ZNF365: variants seen among roughly 807,000 people sequenced by gnomAD.
ZNF365 encodes the protein protein ZNF365.
Under a neutral mutation model 35.0 loss-of-function variants are expected in ZNF365, and 22 were observed. That is an observed-to-expected ratio of 0.63 (90% CI 0.45 to 0.90). The LOEUF is 0.90. ZNF365 is among the 40% of genes least tolerant of loss of function. ZNF365 has a pLI of 0.00. For synonymous variants in ZNF365, 188 were observed against 196.2 expected, an observed-to-expected ratio of 0.96 and a Z score of 0.35; for missense variants, 448 against 500.3, an observed-to-expected ratio of 0.90 and a Z score of 1.00.
chr10:62,449,131 T>A (rs1840638122), intron 3 of ZNF365, among the ~76,000 whole-genome samples: 1 of 152,244 alleles, frequency 6.6e-6, no homozygotes. Context: ...GAAGTCTTTA[T>A]TGCCCAAGAG....
intron 3 of ZNF365, among the ~76,000 whole-genome samples, chr10:62,428,081 A>G (rs1279860830): frequency 6.6e-6 from 1 of 152,174 alleles, no homozygotes; most frequent in Non-Finnish European, 1.5e-5. Flanking sequence ...TGCTTGCTAT[A>G]GTGTTGATCC....
intron 4 of ZNF365, among the ~76,000 whole-genome samples, chr10:62,474,034 T>C (rs571261724): frequency 5.6e-4 from 85 of 152,272 alleles, no homozygotes; most frequent in African/African-American, 1.9e-3. Flanking sequence ...CATATTAACA[T>C]TGAGAGAGGG....
At chr10:62,402,907 G>A (rs1839852458), downstream of ZNF365, among the ~76,000 whole-genome samples, 1 of 152,210 alleles carries the variant, frequency 6.6e-6, no homozygotes, top group Admixed American at 6.5e-5. Context: ...GTTCTTTTAA[G>A]AACCATGAAA....
chr10:62,437,890 T>C (rs935993757), intron 3 of ZNF365, among the ~76,000 whole-genome samples: 8 of 152,218 alleles, frequency 5.3e-5, no homozygotes, highest in African/African-American at 9.6e-5. Context: ...TTTCTTTTAT[T>C]GGTCGCCTGG....
At chr10:62,432,680 T>C (rs1840352115) in intron 3 of ZNF365, among the ~76,000 whole-genome samples, 1 of 152,228 alleles carries the variant, frequency 6.6e-6, no homozygotes, top group South Asian at 2.1e-4. Context: ...TTTAGCCTGA[T>C]GTTGGGTAAA....
At chr10:62,459,057 T>G (rs1313485293) in intron 3 of ZNF365, among the ~76,000 whole-genome samples, 1 of 152,218 alleles carries the variant, frequency 6.6e-6, no homozygotes, top group Non-Finnish European at 1.5e-5. Context: ...AATATTTATT[T>G]GTTACTGTTA....
At chr10:62,436,374 G>A (rs1840407603) in intron 3 of ZNF365, among the ~76,000 whole-genome samples, 1 of 148,768 alleles carries the variant, frequency 6.7e-6, no homozygotes, top group Admixed American at 6.8e-5. Context: ...GTTAAAAGAG[G>A]GTACAGGGAA....
At chr10:62,452,303 G>A (rs901197994) in intron 3 of ZNF365, among the ~76,000 whole-genome samples, 2 of 152,164 alleles carry the variant, frequency 1.3e-5, no homozygotes, top group Non-Finnish European at 2.9e-5. Flanking sequence ...TCAGAACAGA[G>A]AGGAAAGGCC....
chr10:62,465,205 T>G (rs1227073176), intron 4 of ZNF365, among the ~76,000 whole-genome samples: 1 of 152,212 alleles, frequency 6.6e-6, no homozygotes, highest in Non-Finnish European at 1.5e-5. Context: ...TGTCGCAACC[T>G]GGTCAGGTTG....
At chr10:62,466,514 G>A (rs753813435) in intron 4 of ZNF365, among the ~76,000 whole-genome samples, 1 of 152,136 alleles carries the variant, frequency 6.6e-6, no homozygotes, top group Non-Finnish European at 1.5e-5. Flanking sequence ...GGCTGTGTGG[G>A]TGAGACAAGC....
At chr10:62,454,897 G>T (rs1840738322) in intron 3 of ZNF365, among the ~76,000 whole-genome samples, 1 of 152,172 alleles carries the variant, frequency 6.6e-6, no homozygotes, top group African/African-American at 2.4e-5. Flanking sequence ...TGGAGTGGGA[G>T]CTCTGAGCTC....
intron 3 of ZNF365, among the ~76,000 whole-genome samples, chr10:62,445,364 A>G (rs1011643889): frequency 6.6e-6 from 1 of 151,576 alleles, no homozygotes; most frequent in Non-Finnish European, 1.5e-5. Context: ...GACTTCCACA[A>G]TGGTTGAACT....
In ZNF365 at chr10:62,472,984, C is replaced by T. The variant is rs551863559; in HGVS notation, c.982-6892C>T. ...CAAGCTCCCTTCCAAGAGGCAACCACTGTGACCTGTATCTTATATTCTTAG... is the reference window on the plus strand; with the variant it reads ...CAAGCTCCCTTCCAAGAGGCAACCATTGTGACCTGTATCTTATATTCTTAG... On this transcript the variant is annotated intron_variant, in intron 4 of 4. Transcript: ENST00000395255. 1.5e-3 allele frequency among the ~76,000 whole-genome samples: 234 copies of T among 152,290 alleles called. 1 individual carries two copies. The highest frequency in any genetic ancestry group is 3.0e-3 in the Non-Finnish European group (205 of 68,034).
intron 3 of ZNF365, among the ~76,000 whole-genome samples, chr10:62,433,206 T>C (rs149607561): frequency 0.011 from 1,701 of 152,262 alleles, 31 homozygotes; most frequent in African/African-American, 0.039. Flanking sequence ...ATAGAAGTAA[T>C]GAGTTACTAA....
At position 62,455,627 on chromosome 10, in the gene ZNF365, T is replaced by A. The variant is rs185280053; in HGVS notation, c.925-4114T>A. 4.6e-5 allele frequency among the ~76,000 whole-genome samples: 7 copies of A among 152,092 alleles called. No homozygotes were observed. The East Asian group carries it at 1.4e-3, about 29-fold the overall frequency. ...TTATAAATCTCATATATACATAGTT[T>A]ATTTAAACTATGTGCATATGGTAAA... On this transcript the variant is annotated intron_variant, in intron 3 of 4. Coordinates refer to the ZNF365 transcript ENST00000395255.
chr10:62,441,140 C>T (rs1376123351), intron 3 of ZNF365, among the ~76,000 whole-genome samples: 2 of 151,888 alleles, frequency 1.3e-5, no homozygotes, highest in Non-Finnish European at 2.9e-5. Context: ...TATTATTATC[C>T]CCATTTTATA....
chr10:62,479,929 C>T (rs1427698114), exon 5 of ZNF365: 6 of 1,612,374 alleles, frequency 3.7e-6, no homozygotes, highest in Non-Finnish European at 5.1e-6. Flanking sequence ...TGGATGAGGA[C>T]TTGGATCAAG....
chr10:62,374,641 G>C (rs1042964283), intron 1 of ZNF365, among the ~76,000 whole-genome samples, 183 bp downstream of exon 1: 1 of 152,170 alleles, frequency 6.6e-6, no homozygotes, highest in Non-Finnish European at 1.5e-5. Flanking sequence ...CCGTGGGCTG[G>C]CACGCAGCGG....
At chr10:62,414,205 CT>C (rs985863697) in intron 3 of ZNF365, among the ~76,000 whole-genome samples, 17 of 148,572 alleles carry the variant, frequency 1.1e-4, no homozygotes, top group Non-Finnish European at 1.3e-4. Flanking sequence ...CTATCTAGCT[CT>C]TTTTTTTTTC....
Sources: allele counts gnomAD v4.1 joint callset (sites outside exome capture counted in the v4.1 genomes callset), GRCh38; gene constraint gnomAD v4.1.1; transcripts MANE v1.5; gene names NCBI Gene and HGNC (gene_info 2026-07-23, HGNC 2026-07-21).